The following TBCD variants were observed in gnomAD, a reference collection of about 807,000 sequenced individuals.
TBCD encodes the protein tubulin-specific chaperone D.
Under a neutral mutation model 169.3 loss-of-function variants are expected in TBCD, and 105 were observed. The ratio of observed to expected loss-of-function variants is 0.62; its 90% CI spans 0.53 to 0.73. The LOEUF (loss-of-function observed/expected upper bound fraction) is 0.73. Ranked by LOEUF, TBCD falls within the 30% of genes least tolerant of loss-of-function variation. The probability of loss-of-function intolerance (pLI) is 0.00; values close to 1 mark genes in which losing one functional copy is unlikely to be tolerated. For missense variants in TBCD, 1,444 were observed against 1,600.1 expected, an observed-to-expected ratio of 0.90 and a Z score of 1.66; for synonymous variants, 700 against 643.9, an observed-to-expected ratio of 1.09 and a Z score of -1.32.
chr17:82,898,617 A>C (rs1417260323), intron 17 of TBCD, among the ~76,000 whole-genome samples: 2 of 110,440 alleles, frequency 1.8e-5, no homozygotes, highest in African/African-American at 7.2e-5. Flanking sequence ...CCTGTTGGTA[A>C]GATCAGTTGC....
chr17:82,879,138 T>C (rs1567944275), intron 14 of TBCD, among the ~76,000 whole-genome samples: 1 of 150,932 alleles, frequency 6.6e-6, no homozygotes, highest in African/African-American at 2.4e-5. Flanking sequence ...CTGGCTTATC[T>C]TTTTGCCCCT....
intron 14 of TBCD, among the ~76,000 whole-genome samples, chr17:82,872,470 G>C (rs2057647231): frequency 6.6e-6 from 1 of 152,210 alleles, no homozygotes; most frequent in South Asian, 2.1e-4. Flanking sequence ...CCGGCTTTAG[G>C]CCCCTGCCGA....
chr17:82,933,157 G>C (rs1331905223), intron 34 of TBCD, among the ~76,000 whole-genome samples: 1 of 152,144 alleles, frequency 6.6e-6, no homozygotes, highest in African/African-American at 2.4e-5. Flanking sequence ...GGAGCTCCTT[G>C]CTTCTGCGCC....
chr17:82,928,370 A>G (rs1341224423), intron 30 of TBCD, among the ~76,000 whole-genome samples: 2 of 152,200 alleles, frequency 1.3e-5, no homozygotes, highest in South Asian at 2.1e-4. Context: ...CAGCTGAGCC[A>G]TCACTCAGTT....
intron 7 of TBCD, among the ~76,000 whole-genome samples, chr17:82,786,729 G>A (rs1449316266): frequency 1.3e-5 from 2 of 152,168 alleles, no homozygotes; most frequent in East Asian, 1.9e-4. Flanking sequence ...TGTCCCCTGG[G>A]TGCAGGGCTC....
chr17:82,829,522 C>G lies in TBCD; in HGVS notation c.1318+14588C>G, dbSNP rs2053283801. On this transcript the variant is annotated intron_variant, in intron 13 of 38. Coordinates refer to ENST00000355528, the MANE Select transcript of TBCD (RefSeq NM_005993.5). ...ATTGGAAAATTAGCAACATACACATCATTTTGGGGAATGGAAAGTGAGGCA... is the reference window on the plus strand; with the variant it reads ...ATTGGAAAATTAGCAACATACACATGATTTTGGGGAATGGAAAGTGAGGCA... The G allele has an allele frequency of 1.3e-5, 2 of 153,234 alleles. 1 individual carries two copies. The highest frequency in any genetic ancestry group is 4.1e-4 in the South Asian group (2 of 4,896). 9.5% of individuals were successfully genotyped at this position (153,234 alleles called of 1,614,324 possible). A position where few individuals can be genotyped will look rare whatever the true frequency, so the allele number is the denominator to read the frequency against.
At chr17:82,773,851 C>T (rs1002722272) in intron 6 of TBCD, among the ~76,000 whole-genome samples, 13 of 151,810 alleles carry the variant, frequency 8.6e-5, no homozygotes, top group Non-Finnish European at 8.8e-5. Flanking sequence ...CTCAGCCTCC[C>T]GAGTAGCTGG....
At chr17:82,937,513 C>G (rs184872097) in intron 35 of TBCD, 153 bp downstream of exon 35, 2 of 700,046 alleles carry the variant, frequency 2.9e-6, no homozygotes, top group Non-Finnish European at 4.8e-6. Context: ...TCAAAGCAGT[C>G]GCAATGGGAG....
rs1350467130 is a variant in TBCD, at chr17:82,789,233, A to G, written c.771+7512A>G. Among the ~76,000 whole-genome samples, 1 of 152,146 alleles carries G rather than the reference A, an allele frequency of 6.6e-6. No homozygotes were observed. Among genetic ancestry groups the G allele is most frequent in the Non-Finnish European group, 1.5e-5 (1 of 68,028 alleles). ...GAAAGACCTGGAGCAGCCAGCTCCTAACACTCATTTCCCATCACTCAGCAT... is the reference window on the plus strand; with the variant it reads ...GAAAGACCTGGAGCAGCCAGCTCCTGACACTCATTTCCCATCACTCAGCAT... On this transcript the variant is annotated intron_variant, in intron 7 of 38. Transcript: ENST00000355528. The surrounding 1 kb of genome is among the most constrained non-coding windows in gnomAD (Gnocchi z 4.8).
chr17:82,783,860 C>T (rs1484623417), intron 7 of TBCD, among the ~76,000 whole-genome samples: 2 of 151,944 alleles, frequency 1.3e-5, no homozygotes, highest in African/African-American at 4.8e-5. Flanking sequence ...CGCGGTGGCT[C>T]ATGCCTATAA....
At chr17:82,900,433 G>C in intron 17 of TBCD, 2 of 490,310 alleles carry the variant, frequency 4.1e-6, no homozygotes, top group Non-Finnish European at 7.2e-6. Flanking sequence ...AGATTTCGCC[G>C]TTACACATGA....
intron 13 of TBCD, among the ~76,000 whole-genome samples, chr17:82,846,210 A>G (rs28455858): frequency 0.5 from 45,768 of 91,486 alleles, 9,494 homozygotes; most frequent in South Asian, 0.59. Context: ...TGCGTCCGGC[A>G]TGCCACGTCC....
At chr17:82,859,839 G>A (rs1158952965) in intron 13 of TBCD, 1 of 985,450 alleles carries the variant, frequency 1.0e-6, no homozygotes. Flanking sequence ...AGTGGGCGGT[G>A]AGTTGGGAAC....
At chr17:82,850,540 CTGTGCTGTTGTTGGCTGTGCTGTT>C (rs2055698277) in intron 13 of TBCD, among the ~76,000 whole-genome samples, 1 of 127,744 alleles carries the variant, frequency 7.8e-6, no homozygotes, top group African/African-American at 2.6e-5. Flanking sequence ...CTGTTGTTAG[CTGTGCTGTTGTTGGCTGTGCTGTT>C]GTTGGCTGTG....
chr17:82,841,899 A>T (rs539277181), intron 13 of TBCD, among the ~76,000 whole-genome samples: 66 of 152,298 alleles, frequency 4.3e-4, no homozygotes, highest in African/African-American at 1.5e-3. Flanking sequence ...CTGGAACCTC[A>T]TCCTCACTTA....
intron 18 of TBCD, 92 bp downstream of exon 18, chr17:82,900,823 C>A: frequency 2.2e-6 from 2 of 912,346 alleles, no homozygotes; most frequent in Non-Finnish European, 3.5e-6. Flanking sequence ...TATTTTCTCA[C>A]TGTGGATGTC....
chr17:82,826,389 T>C (rs2052853784), intron 13 of TBCD, among the ~76,000 whole-genome samples: 1 of 152,194 alleles, frequency 6.6e-6, no homozygotes, highest in South Asian at 2.1e-4. Context: ...GCTGTTTAGT[T>C]TGAGTTATCT....
intron 36 of TBCD, 120 bp from the exon 37 acceptor site, chr17:82,939,247 G>C (rs528511546): frequency 8.9e-6 from 7 of 783,014 alleles, no homozygotes; most frequent in Middle Eastern, 3.2e-4. Context: ...TGGGATGCAG[G>C]GTCAGCGTCC....
In TBCD at chr17:82,819,845, T is replaced by C. The variant is rs549741818; in HGVS notation, c.1318+4911T>C. On this transcript the variant is annotated intron_variant, in intron 13 of 38. Coordinates refer to ENST00000355528, the MANE Select transcript of TBCD (RefSeq NM_005993.5). ...TTTGTGGCTCCTCTTTGAACACCTC[T>C]GTTGTTGTGGCAGGAGGAGGTGGGC... 2.0e-3 allele frequency among the ~76,000 whole-genome samples: 302 copies of C among 152,286 alleles called. 2 individuals carry two copies. Among genetic ancestry groups the C allele is most frequent in the African/African-American group, 7.0e-3 (289 of 41,566 alleles).
Sources: gnomAD v4.1 joint callset for allele counts (sites outside exome capture counted in the v4.1 genomes callset) on GRCh38, gnomAD v4.1.1 for gene constraint, Gnocchi (gnomAD v3.1) non-coding constraint, MANE v1.5 for transcripts, NCBI Gene and HGNC (gene_info 2026-07-23, HGNC 2026-07-21) for gene names.